The following CDH18 variants were observed in gnomAD, a reference collection of about 807,000 sequenced individuals.
CDH18 encodes the protein cadherin 18.
In CDH18, 31 loss-of-function variants were observed where a neutral mutation model predicts 67.9. The ratio of observed to expected loss-of-function variants is 0.46; its 90% CI spans 0.34 to 0.62. CDH18 has a LOEUF of 0.62. Among genes scored for constraint, CDH18 ranks in the 20% least tolerant of loss-of-function variants. The pLI is 0.01. For synonymous variants in CDH18, 362 were observed against 347.2 expected, an observed-to-expected ratio of 1.04 and a Z score of -0.48; for missense variants, 890 against 975.5, an observed-to-expected ratio of 0.91 and a Z score of 1.17.
At chr5:19,895,046 T>C (rs1312529711) in intron 2 of CDH18, among the ~76,000 whole-genome samples, 1 of 152,178 alleles carries the variant, frequency 6.6e-6, no homozygotes, top group African/African-American at 2.4e-5. Context: ...ACCTTGGATC[T>C]AAATGCTCAC....
At chr5:20,217,051 T>G (rs1335138869) in intron 2 of CDH18, among the ~76,000 whole-genome samples, 1 of 151,790 alleles carries the variant, frequency 6.6e-6, no homozygotes, top group South Asian at 2.1e-4. Flanking sequence ...GAAAACATCC[T>G]TTAATCATAA....
intron 6 of CDH18, among the ~76,000 whole-genome samples, chr5:19,609,089 A>C (rs350675): frequency 0.82 from 125,003 of 151,856 alleles, 51,616 homozygotes; most frequent in East Asian, 1. Flanking sequence ...ACCCAGAATA[A>C]AGTTTTTAAA....
chr5:19,812,297 G>C (rs1778818316), intron 3 of CDH18, among the ~76,000 whole-genome samples: 1 of 152,048 alleles, frequency 6.6e-6, no homozygotes, highest in Non-Finnish European at 1.5e-5. Flanking sequence ...AAATATGTTA[G>C]AAATGTAAGT....
chr5:20,361,879 A>T (rs1388236358), intron 1 of CDH18, among the ~76,000 whole-genome samples: 1 of 152,174 alleles, frequency 6.6e-6, no homozygotes, highest in Admixed American at 6.5e-5. Flanking sequence ...TATATGCTCA[A>T]TAAATATGAC....
chr5:20,519,116 T>C (rs1021263587), intron 1 of CDH18, among the ~76,000 whole-genome samples: 2 of 152,178 alleles, frequency 1.3e-5, no homozygotes, highest in African/African-American at 4.8e-5. Flanking sequence ...ATTTCTGTCT[T>C]TATTCTTGTT....
intron 5 of CDH18, among the ~76,000 whole-genome samples, chr5:19,703,123 C>G (rs1487773221): frequency 1.3e-5 from 2 of 152,090 alleles, no homozygotes; most frequent in Admixed American, 6.5e-5. Context: ...CCATATTTCT[C>G]TGTGTGTGTG....
intron 2 of CDH18, among the ~76,000 whole-genome samples, chr5:20,042,255 C>T (rs1302891140): frequency 6.6e-6 from 1 of 152,220 alleles, no homozygotes; most frequent in African/African-American, 2.4e-5. Context: ...CTACACAAAT[C>T]CTTCATATTT....
intron 2 of CDH18, among the ~76,000 whole-genome samples, chr5:20,176,254 G>A (rs577082018): frequency 6.6e-6 from 1 of 152,276 alleles, no homozygotes; most frequent in Admixed American, 6.5e-5. Context: ...ACCAGGTGTT[G>A]AGGATGTACC....
chr5:19,692,908 G>T (rs532635090), intron 5 of CDH18, among the ~76,000 whole-genome samples: 35 of 151,932 alleles, frequency 2.3e-4, no homozygotes, highest in Non-Finnish European at 4.0e-4. Context: ...CAAAAGAAAG[G>T]AAATCAGTAT....
chr5:19,526,144 T>C (rs1490631198), intron 9 of CDH18, among the ~76,000 whole-genome samples: 1 of 152,142 alleles, frequency 6.6e-6, no homozygotes, highest in Non-Finnish European at 1.5e-5. Context: ...CCAAGTTGTG[T>C]TTTTGAGAAA....
At chr5:20,123,253 C>T (rs75060580) in intron 2 of CDH18, among the ~76,000 whole-genome samples, 3,840 of 152,128 alleles carry the variant, frequency 0.025, 173 homozygotes, top group African/African-American at 0.086. Context: ...CTAGACTATG[C>T]GCCTCTCAGA....
intron 11 of CDH18, among the ~76,000 whole-genome samples, chr5:19,500,315 T>A (rs1006441562): frequency 1.3e-5 from 2 of 152,204 alleles, no homozygotes; most frequent in African/African-American, 2.4e-5. Context: ...GTATTATCTA[T>A]AATTGCTTTG....
At chr5:20,101,655 ACT>A (rs1265580696) in intron 2 of CDH18, among the ~76,000 whole-genome samples, 2 of 152,162 alleles carry the variant, frequency 1.3e-5, no homozygotes, top group African/African-American at 4.8e-5. Flanking sequence ...GATTAAAAAG[ACT>A]CTGCAGTTTG....
At chr5:19,539,388 A>C (rs392990) in intron 9 of CDH18, among the ~76,000 whole-genome samples, 77,934 of 151,986 alleles carry the variant, frequency 0.51, 20,990 homozygotes, top group African/African-American at 0.68. Context: ...TAAAAACAGG[A>C]ATTTATTTTG....
intron 1 of CDH18, among the ~76,000 whole-genome samples, chr5:20,390,781 T>C (rs927320197): frequency 6.6e-6 from 1 of 152,144 alleles, no homozygotes. Flanking sequence ...ATGTGGCACA[T>C]ATACACCGTG....
At chr5:20,547,661 C>T (rs934679454) in intron 1 of CDH18, among the ~76,000 whole-genome samples, 1 of 151,936 alleles carries the variant, frequency 6.6e-6, no homozygotes, top group Admixed American at 6.6e-5. Flanking sequence ...TTAGGACATC[C>T]TAGTCAACAT....
intron 2 of CDH18, among the ~76,000 whole-genome samples, chr5:19,878,897 C>T (rs542669149): frequency 1.1e-4 from 17 of 151,882 alleles, no homozygotes; most frequent in African/African-American, 4.1e-4. Flanking sequence ...AACTAGTTTT[C>T]GAATGTTGCA....
intron 1 of CDH18, among the ~76,000 whole-genome samples, chr5:20,388,937 T>A (rs940740133): frequency 1.3e-5 from 2 of 152,150 alleles, no homozygotes; most frequent in African/African-American, 4.8e-5. Flanking sequence ...TAATTTCTGT[T>A]TTTTCACATT....
chr5:19,768,902 A>G (rs895168484), intron 3 of CDH18, among the ~76,000 whole-genome samples: 7 of 152,114 alleles, frequency 4.6e-5, no homozygotes, highest in African/African-American at 1.7e-4. Context: ...TATCTGAAAA[A>G]GAAAAGTATA....
Sources: allele counts gnomAD v4.1 joint callset (sites outside exome capture counted in the v4.1 genomes callset), GRCh38; gene constraint gnomAD v4.1.1; transcripts MANE v1.5; gene names NCBI Gene and HGNC (gene_info 2026-07-23, HGNC 2026-07-21).